The following PTPRT variants were observed in gnomAD, a reference collection of about 807,000 sequenced individuals.
PTPRT encodes the protein receptor-type tyrosine-protein phosphatase T.
In PTPRT, 56 loss-of-function variants were observed where a neutral mutation model predicts 176.8. That is an observed-to-expected ratio of 0.32 (90% CI 0.26 to 0.40). The LOEUF is 0.40. Ranked by LOEUF, PTPRT falls within the 10% of genes least tolerant of loss-of-function variation. The pLI is 1.00. For synonymous variants in PTPRT, 783 were observed against 739.0 expected (o/e 1.06, Z -0.96); for missense variants, 1,540 against 1,908.2 (o/e 0.81, Z 3.60).
intron 1 of PTPRT, among the ~76,000 whole-genome samples, chr20:43,050,065 G>A (rs927062663): frequency 6.6e-6 from 1 of 152,252 alleles, no homozygotes; most frequent in Non-Finnish European, 1.5e-5. Flanking sequence ...GTCAGTGGGA[G>A]TGCTGGGTGG....
At chr20:42,195,230 T>C (rs1212905895) in intron 16 of PTPRT, among the ~76,000 whole-genome samples, 1 of 152,236 alleles carries the variant, frequency 6.6e-6, no homozygotes, top group Non-Finnish European at 1.5e-5. Context: ...GGCTAGGGCC[T>C]ACCTGGTCAA....
chr20:42,771,389 C>T, intron 5 of PTPRT, 46 bp downstream of exon 5: 10 of 1,522,076 alleles, frequency 6.6e-6, no homozygotes, highest in Non-Finnish European at 9.1e-6. Context: ...CTTCTTTTCC[C>T]TTTCTCATCC....
intron 18 of PTPRT, among the ~76,000 whole-genome samples, chr20:42,141,106 G>A (rs535506340): frequency 2.0e-5 from 3 of 152,274 alleles, no homozygotes; most frequent in East Asian, 1.9e-4. Flanking sequence ...TCATTGTTGA[G>A]CAAAGGCAAT....
At position 42,102,265 on chromosome 20, in the gene PTPRT, G is replaced by C; in HGVS notation, c.3573C>G (p.Pro1191=). ...TLNIVTPRVR[P]EDCSIGLLPR... is the part of the protein sequence containing the mutation. ...GCAGGAGCCCAATGCTGCAGTCCTC[G>C]GGCCGCACACGGGGTGTCACAATGT... Residue 1191 remains proline (P), a synonymous_variant, in exon 26 of 31, where the codon CCC becomes CCG. Coordinates refer to ENST00000373187, the MANE Select transcript of PTPRT (RefSeq NM_007050.6). 1.2e-6 allele frequency: 2 copies of C among 1,614,136 alleles called. No individual in the cohort carries two copies. The highest frequency in any genetic ancestry group is 2.2e-5 in the East Asian group (1 of 44,872).
chr20:42,878,869 A>G (rs208192), intron 2 of PTPRT, among the ~76,000 whole-genome samples: 44,951 of 151,940 alleles, frequency 0.3, 6,980 homozygotes, highest in African/African-American at 0.41. Flanking sequence ...TCTACTAAAA[A>G]TACAGAAAAA....
At chr20:42,310,403 T>C (rs779542758) in intron 12 of PTPRT, among the ~76,000 whole-genome samples, 2 of 152,198 alleles carry the variant, frequency 1.3e-5, no homozygotes, top group Non-Finnish European at 2.9e-5. Context: ...TACTGTCTTA[T>C]TTTCTCTGAA....
chr20:42,640,513 C>T (rs1268394712), intron 7 of PTPRT, among the ~76,000 whole-genome samples: 1 of 151,976 alleles, frequency 6.6e-6, no homozygotes, highest in Non-Finnish European at 1.5e-5. Context: ...CTCAGGTTCC[C>T]GAGTAGCTGG....
At chr20:43,132,166 A>G (rs1050582842) in intron 1 of PTPRT, among the ~76,000 whole-genome samples, 1 of 152,188 alleles carries the variant, frequency 6.6e-6, no homozygotes. Flanking sequence ...GTGCTATTCA[A>G]TGCAATTAGA....
chr20:42,924,113 C>T (rs538024813), intron 1 of PTPRT, among the ~76,000 whole-genome samples: 2 of 152,260 alleles, frequency 1.3e-5, no homozygotes, highest in African/African-American at 4.8e-5. Flanking sequence ...CCTCGGCTTC[C>T]CAAAATGCTG....
At chr20:42,700,950 G>C (rs529463013) in intron 6 of PTPRT, among the ~76,000 whole-genome samples, 2 of 152,306 alleles carry the variant, frequency 1.3e-5, no homozygotes, top group Admixed American at 1.3e-4. Context: ...TAGCCAGGCA[G>C]AGCCAGTGGG....
chr20:43,004,736 A>G (rs1350894995), intron 1 of PTPRT, among the ~76,000 whole-genome samples: 2 of 152,216 alleles, frequency 1.3e-5, no homozygotes, highest in Admixed American at 1.3e-4. Context: ...TAGCATCACC[A>G]ACATTTTTCA....
intron 1 of PTPRT, among the ~76,000 whole-genome samples, chr20:43,104,593 G>A (rs2012521531): frequency 6.6e-6 from 1 of 152,164 alleles, no homozygotes; most frequent in Non-Finnish European, 1.5e-5. Flanking sequence ...ACAGTGCCAG[G>A]CACAGAGTTG....
chr20:42,382,117 C>T (rs752194797), intron 9 of PTPRT, among the ~76,000 whole-genome samples: 7 of 152,146 alleles, frequency 4.6e-5, no homozygotes, highest in Non-Finnish European at 1.0e-4. Context: ...CTTTGCACCC[C>T]ATTTACATTA....
chr20:42,484,729 G>C (rs1158583505), intron 7 of PTPRT, among the ~76,000 whole-genome samples: 1 of 152,200 alleles, frequency 6.6e-6, no homozygotes, highest in Non-Finnish European at 1.5e-5. Context: ...TAACAATTCT[G>C]TATAGGCAAT....
Position 42,718,730 on chromosome 20 carries a change from CGAGGAGGGCTTCT to C in PTPRT, c.859+37719_859+37731del, listed in dbSNP as rs901181564. ...GAGAATCAATGACTTGGAGTGAGAC[CGAGGAGGGCTTCT>C]GAGGTGCTGGTTATATTCTGTATCT... On this transcript the variant is annotated intron_variant, in intron 6 of 30. Coordinates refer to ENST00000373187, the MANE Select transcript of PTPRT (RefSeq NM_007050.6). Among the ~76,000 whole-genome samples the C allele has an allele frequency of 6.6e-5, 10 of 152,108 alleles. No individual in the cohort carries two copies. The South Asian group carries it at 1.5e-3, about 22-fold the overall frequency.
chr20:42,774,895 C>A (rs1032566174), intron 4 of PTPRT, among the ~76,000 whole-genome samples: 63 of 152,288 alleles, frequency 4.1e-4, no homozygotes, highest in African/African-American at 1.5e-3. Context: ...GTCCTCTTCC[C>A]TGCGTTCCTG....
intron 13 of PTPRT, among the ~76,000 whole-genome samples, chr20:42,251,202 C>T (rs929015898): frequency 2.0e-5 from 3 of 152,182 alleles, no homozygotes; most frequent in Non-Finnish European, 4.4e-5. Context: ...ACTGGCACAG[C>T]CCAATTTTAC....
At chr20:42,617,694 C>G (rs1394069852) in intron 7 of PTPRT, among the ~76,000 whole-genome samples, 7 of 139,202 alleles carry the variant, frequency 5.0e-5, no homozygotes, top group Non-Finnish European at 7.6e-5. Context: ...AGGAGTTTAT[C>G]CATTTCTTCT....
intron 11 of PTPRT, among the ~76,000 whole-genome samples, chr20:42,340,309 G>A (rs1330145881): frequency 6.6e-6 from 1 of 152,100 alleles, no homozygotes; most frequent in African/African-American, 2.4e-5. Context: ...ATCTTGCTCT[G>A]GGCATGAATA....
Sources: allele counts gnomAD v4.1 joint callset (sites outside exome capture counted in the v4.1 genomes callset), GRCh38; gene constraint gnomAD v4.1.1; transcripts MANE v1.5; gene names NCBI Gene and HGNC (gene_info 2026-07-23, HGNC 2026-07-21).